TBC1D13: variants seen among roughly 807,000 people sequenced by gnomAD.
TBC1D13 encodes the protein TBC1 domain family member 13, also known as epididymis secretory sperm binding protein.
Under a neutral mutation model 53.6 loss-of-function variants are expected in TBC1D13, and 40 were observed. The observed-to-expected ratio is 0.75, with a 90% confidence interval of 0.58 to 0.97. The LOEUF (loss-of-function observed/expected upper bound fraction) is 0.97, where lower values mean the gene tolerates loss of function less well. Ranked by LOEUF, TBC1D13 falls within the 50% of genes least tolerant of loss-of-function variation. The pLI is 0.00. For synonymous variants in TBC1D13, 182 were observed against 197.7 expected (o/e 0.92, Z 0.67); for missense variants, 377 against 499.4 (o/e 0.75, Z 2.34).
intron 1 of TBC1D13, among the ~76,000 whole-genome samples, chr9:128,788,025 C>T (rs534998967): frequency 1.3e-5 from 2 of 152,290 alleles, no homozygotes; most frequent in East Asian, 1.9e-4. Context: ...AATGTCAGCT[C>T]ACTAAGTATT....
Position 128,794,598 on chromosome 9 carries a change from C to T in TBC1D13, c.383+2024C>T, listed in dbSNP as rs530122857. Among the ~76,000 whole-genome samples the T allele has an allele frequency of 5.3e-5, 8 of 151,614 alleles. No homozygotes were observed. In the East Asian group the frequency reaches 9.6e-4, roughly 18 times the overall value. On this transcript the variant is annotated intron_variant, in intron 6 of 11. Coordinates refer to ENST00000372648, the MANE Select transcript of TBC1D13 (RefSeq NM_018201.5). The stretch of plus-strand genomic sequence containing the variant: ...TCAAGCGATTCTCCTGCCTCAGCCT[C>T]CCTAGTAGCTGGGATTACAGGCATG...
intron 6 of TBC1D13, among the ~76,000 whole-genome samples, chr9:128,796,318 C>T (rs1166217351): frequency 3.3e-5 from 5 of 151,738 alleles, no homozygotes; most frequent in African/African-American, 4.8e-5. Flanking sequence ...GGCACGATCT[C>T]GGCTCACTGC....
chr9:128,802,865 G>A (rs1349687424), intron 7 of TBC1D13, among the ~76,000 whole-genome samples: 2 of 151,438 alleles, frequency 1.3e-5, no homozygotes, highest in Non-Finnish European at 2.9e-5. Context: ...CTCGCAAGTC[G>A]CTGGGACCAC....
chr9:128,807,662 T>TG (rs1483896299), intron 11 of TBC1D13, 152 bp from the exon 12 acceptor site: 1 of 764,754 alleles, frequency 1.3e-6, no homozygotes, highest in Admixed American at 1.9e-5. Context: ...TGCAGGGGTC[T>TG]GGGGGTTGGG....
Position 128,791,385 on chromosome 9 carries a change from C to T in TBC1D13, c.144C>T (p.Leu48=). The T allele has an allele frequency of 6.2e-7, 1 of 1,614,186 alleles. No homozygotes were observed. The highest frequency in any genetic ancestry group is 8.5e-7 in the Non-Finnish European group (1 of 1,180,026). ...GGLRCLCWKI[L]LNYLPLERAS... ...GCCCTTCTCCCTCTGTGCAGATTCTCTTGAACTACCTTCCCTTGGAGAGAG... is the reference window on the plus strand; with the variant it reads ...GCCCTTCTCCCTCTGTGCAGATTCTTTTGAACTACCTTCCCTTGGAGAGAG... Residue 48 remains leucine, a synonymous_variant, in exon 4 of 12, where the codon CTC becomes CTT. Transcript: ENST00000372648.
At position 128,791,407 on chromosome 9, in the gene TBC1D13, A is replaced by G; in HGVS notation, c.166A>G (p.Arg56Gly). ...KILLNYLPLE[R>G]ASWTSILAKQ... ...TCTCTTGAACTACCTTCCCTTGGAG[A>G]GAGCCTCATGGACCTCCATCCTGGC... The change falls in exon 4 of 12, where the codon AGA becomes GGA. Residue 56 changes from arginine to glycine, a missense_variant. Physicochemically the swap from Arg to Gly is moderately radical, Grantham distance 125. Coordinates refer to ENST00000372648, the MANE Select transcript of TBC1D13 (RefSeq NM_018201.5). 6.2e-7 allele frequency: 1 copy of G among 1,614,034 alleles called. No individual in the cohort carries two copies. The highest frequency in any genetic ancestry group is 1.1e-5 in the South Asian group (1 of 91,078).
At chr9:128,792,623 C>T (rs1417827011) in intron 6 of TBC1D13, 49 bp downstream of exon 6, 1 of 1,515,464 alleles carries the variant, frequency 6.6e-7, no homozygotes, top group East Asian at 2.3e-5. Context: ...ACTTCTGGGG[C>T]TCTCTGCAGC....
Position 128,810,359 on chromosome 9 carries a change from C to T in TBC1D13, c.*2480C>T, listed in dbSNP as rs971929581. Reference sequence around the variant, plus strand: ...AGAACGTTTGCTTTAGTTTTTTCATCTGTTTTGTTCCTTGAGTCAGTGCTG... The same window carrying T: ...AGAACGTTTGCTTTAGTTTTTTCATTTGTTTTGTTCCTTGAGTCAGTGCTG... On this transcript the variant is annotated 3_prime_UTR_variant, in exon 12 of 12. Coordinates refer to ENST00000372648, the MANE Select transcript of TBC1D13 (RefSeq NM_018201.5). 3 of 152,204 alleles carry T rather than the reference C, an allele frequency of 2.0e-5. No individual in the cohort carries two copies. The highest frequency in any genetic ancestry group is 7.2e-5 in the African/African-American group (3 of 41,454). 9.4% of individuals were successfully genotyped at this position (152,204 alleles called of 1,614,324 possible).
chr9:128,808,070 C>T lies in TBC1D13; in HGVS notation c.*191C>T. ...CCGCCACGCCCAGCTCCCCACCTGC[C>T]CTGCACTCTGCCCTCTTTGCCCAGG... On this transcript the variant is annotated 3_prime_UTR_variant, in exon 12 of 12. Coordinates refer to ENST00000372648, the MANE Select transcript of TBC1D13 (RefSeq NM_018201.5). The T allele has an allele frequency of 1.6e-6, 1 of 608,200 alleles. No individual in the cohort carries two copies. Among genetic ancestry groups the T allele is most frequent in the Non-Finnish European group, 3.0e-6 (1 of 336,802 alleles). The allele number at this position is 608,200 out of a possible 1,614,324, so 37.7% of individuals were successfully genotyped here. A position where few individuals can be genotyped will look rare whatever the true frequency, so the allele number is the denominator to read the frequency against.
rs1252742014 is a variant in TBC1D13 at position 128,789,301 on chromosome 9, A to G, written c.97+894A>G. On this transcript the variant is annotated intron_variant, in intron 2 of 11. Coordinates refer to ENST00000372648, the MANE Select transcript of TBC1D13 (RefSeq NM_018201.5). ...ATTGCACTCCAGCCTGGGCGACAAG[A>G]GTGAAGCTCCATCTCAAAAAAAAAA... is the stretch of plus-strand genomic sequence containing the variant. Among the ~76,000 whole-genome samples, 7 of 124,430 alleles carry G rather than the reference A, an allele frequency of 5.6e-5. No individual in the cohort carries two copies. In the South Asian group the frequency reaches 1.7e-3, roughly 31 times the overall value. The allele number at this position is 124,430 out of a possible 152,430, so 81.6% of individuals were successfully genotyped here. A position where few individuals can be genotyped will look rare whatever the true frequency, so the allele number is the denominator to read the frequency against.
At chr9:128,803,612 A>C in intron 8 of TBC1D13, 152 bp downstream of exon 8, 1 of 757,820 alleles carries the variant, frequency 1.3e-6, no homozygotes, top group Non-Finnish European at 2.2e-6. Flanking sequence ...ATCTTCTAGA[A>C]TGTTGGTTGT....
chr9:128,803,506 C>A, intron 8 of TBC1D13, 46 bp downstream of exon 8: 2 of 1,580,532 alleles, frequency 1.3e-6, no homozygotes, highest in South Asian at 1.1e-5. Flanking sequence ...TGGCCCGTGT[C>A]AGGCTGTGCA....
At chr9:128,788,313 C>T in intron 1 of TBC1D13, 21 bp from the exon 2 acceptor site, 2 of 1,612,458 alleles carry the variant, frequency 1.2e-6, no homozygotes, top group East Asian at 4.5e-5. Context: ...GCTTCATTTG[C>T]CGCCCTATCT....
At chr9:128,788,456 G>T (rs1459777434) in intron 2 of TBC1D13, 49 bp downstream of exon 2, 1 of 1,562,784 alleles carries the variant, frequency 6.4e-7, no homozygotes, top group South Asian at 1.1e-5. Flanking sequence ...CAGCCCTGTG[G>T]CTAGAATACA....
chr9:128,790,414 A>T (rs986089049), intron 2 of TBC1D13, among the ~76,000 whole-genome samples: 8 of 152,004 alleles, frequency 5.3e-5, no homozygotes, highest in African/African-American at 1.9e-4. Flanking sequence ...TCTCTACTAA[A>T]AATACAAAAA....
chr9:128,803,515 C>T, intron 8 of TBC1D13, 55 bp downstream of exon 8: 2 of 1,552,952 alleles, frequency 1.3e-6, no homozygotes, highest in South Asian at 1.1e-5. Context: ...TCAGGCTGTG[C>T]ACCTCACTTT....
Position 128,791,372 on chromosome 9 carries a change from CTG to C in TBC1D13, c.139-5_139-4del. 1 of 1,614,160 alleles carries C rather than the reference CTG, an allele frequency of 6.2e-7. No homozygotes were observed. The highest frequency in any genetic ancestry group is 1.1e-5 in the South Asian group (1 of 91,084). ...TCACCAGAGCTTTGCCCTTCTCCCT[CTG>C]TGCAGATTCTCTTGAACTACCTTCC... On this transcript the variant is annotated splice_region_variant and splice_polypyrimidine_tract_variant and intron_variant, in intron 3 of 11. Transcript: ENST00000372648.
intron 6 of TBC1D13, among the ~76,000 whole-genome samples, chr9:128,796,793 G>A (rs909583799): frequency 1.3e-5 from 2 of 151,884 alleles, no homozygotes; most frequent in Non-Finnish European, 2.9e-5. Context: ...AAAATTAGCC[G>A]GGCGTGGTGG....
At chr9:128,791,746 G>A (rs943267204) in intron 5 of TBC1D13, 53 bp downstream of exon 5, 9 of 1,554,506 alleles carry the variant, frequency 5.8e-6, no homozygotes, top group African/African-American at 2.7e-5. Flanking sequence ...GAGGGGTGGC[G>A]GCCTTGGAGC....
Sources: allele counts gnomAD v4.1 joint callset (sites outside exome capture counted in the v4.1 genomes callset), GRCh38; gene constraint gnomAD v4.1.1; transcripts MANE v1.5; gene names NCBI Gene and HGNC (gene_info 2026-07-23, HGNC 2026-07-21).